Variants in ARHGAP32 observed in about 807,000 individuals in gnomAD.
ARHGAP32 encodes the protein Rho GTPase activating protein 32.
In ARHGAP32, 51 loss-of-function variants were observed where a neutral mutation model predicts 186.5. The ratio of observed to expected loss-of-function variants is 0.27; its 90% CI spans 0.22 to 0.35. The LOEUF (loss-of-function observed/expected upper bound fraction) is 0.35, where lower values mean the gene tolerates loss of function less well. Among genes scored for constraint, ARHGAP32 ranks in the 10% least tolerant of loss-of-function variants. The pLI is 1.00. For missense variants in ARHGAP32, 2,186 were observed against 2,623.5 expected (o/e 0.83, Z 3.64); for synonymous variants, 950 against 964.3 (o/e 0.99, Z 0.27).
intron 1 of ARHGAP32, among the ~76,000 whole-genome samples, chr11:129,261,301 G>C (rs1487402509): frequency 1.3e-5 from 2 of 152,124 alleles, no homozygotes; most frequent in African/African-American, 4.8e-5. Context: ...AAGTAACTCA[G>C]AAATGTTTCC....
At chr11:129,239,240 G>C (rs1944983824) in intron 1 of ARHGAP32, among the ~76,000 whole-genome samples, 1 of 152,128 alleles carries the variant, frequency 6.6e-6, no homozygotes, top group Admixed American at 6.5e-5. Flanking sequence ...TCTACTTCTA[G>C]TCTTTGCCCT....
intron 5 of ARHGAP32, among the ~76,000 whole-genome samples, chr11:129,105,318 A>G (rs908740196): frequency 6.6e-6 from 1 of 152,164 alleles, no homozygotes; most frequent in Admixed American, 6.5e-5. Flanking sequence ...ATACTCACAA[A>G]AAGCTAAGAA....
intron 2 of ARHGAP32, among the ~76,000 whole-genome samples, chr11:129,154,239 G>A (rs1399667821): frequency 1.3e-5 from 2 of 152,136 alleles, no homozygotes; most frequent in Non-Finnish European, 2.9e-5. Context: ...AATAGATGTT[G>A]GCATGGATGT....
rs773886534 is a variant in ARHGAP32, at chr11:129,017,264, G to A, written c.1046-18796C>T. On this transcript the variant is annotated intron_variant, in intron 11 of 22. Transcript: ENST00000682385. ...AGGTCAGGAGTTCGAGACCAGCCTG[G>A]CCAACATGGCGAAAACCTGTCTCTA... Among the ~76,000 whole-genome samples the A allele has an allele frequency of 7.2e-5, 11 of 152,066 alleles. No homozygotes were observed. In the East Asian group the frequency reaches 9.6e-4, roughly 13 times the overall value.
chr11:129,264,063 A>T (rs1405932374), intron 1 of ARHGAP32, among the ~76,000 whole-genome samples: 1 of 152,240 alleles, frequency 6.6e-6, no homozygotes, highest in East Asian at 1.9e-4. Flanking sequence ...CCCTTAAAAA[A>T]GAAGGAAATC....
chr11:129,279,608 G>A (rs1318274786), upstream of ARHGAP32, among the ~76,000 whole-genome samples: 1 of 145,292 alleles, frequency 6.9e-6, no homozygotes, highest in Non-Finnish European at 1.5e-5. Context: ...TCCTGCACCC[G>A]CGACGCCCGC....
intron 5 of ARHGAP32, among the ~76,000 whole-genome samples, chr11:129,106,638 G>A (rs627518): frequency 0.11 from 16,923 of 151,966 alleles, 1,214 homozygotes; most frequent in Non-Finnish European, 0.15. Context: ...AATATACCCA[G>A]GTAATAAATA....
intron 7 of ARHGAP32, among the ~76,000 whole-genome samples, chr11:129,065,199 T>C (rs761781253): frequency 1.3e-5 from 2 of 152,154 alleles, no homozygotes; most frequent in Non-Finnish European, 2.9e-5. Flanking sequence ...TTTCTATTTT[T>C]GTACTGAATA....
At chr11:128,971,252 G>T in intron 22 of ARHGAP32, 93 bp from the exon 23 acceptor site, 2 of 1,151,134 alleles carry the variant, frequency 1.7e-6, no homozygotes, top group Non-Finnish European at 2.4e-6. Flanking sequence ...AAGGCTGGTT[G>T]GGTAGCAGCT....
chr11:129,049,849 A>C (rs145745699), intron 10 of ARHGAP32, among the ~76,000 whole-genome samples: 1 of 152,234 alleles, frequency 6.6e-6, no homozygotes, highest in African/African-American at 2.4e-5. Flanking sequence ...TTCATGTATG[A>C]GTTTCTATAT....
intron 1 of ARHGAP32, among the ~76,000 whole-genome samples, chr11:129,233,643 A>G (rs1289117675): frequency 6.6e-6 from 1 of 151,856 alleles, no homozygotes; most frequent in Non-Finnish European, 1.5e-5. Flanking sequence ...AACCTGCAAC[A>G]ATCTAAATGT....
In ARHGAP32 at chr11:128,998,306, A is replaced by G. The variant is rs777945114; in HGVS notation, c.1195+13T>C. The G allele has an allele frequency of 5.8e-6, 9 of 1,558,860 alleles. No homozygotes were observed. The highest frequency in any genetic ancestry group is 7.8e-6 in the Non-Finnish European group (9 of 1,149,580). Reference sequence around the variant, plus strand: ...AGAAACTCAGAGTATAAGCTTGCACATTTTATTTTTACCTTCAAAACCAGA... The same window carrying G: ...AGAAACTCAGAGTATAAGCTTGCACGTTTTATTTTTACCTTCAAAACCAGA... On this transcript the variant is annotated intron_variant, in intron 12 of 22. Transcript: ENST00000682385.
At chr11:129,191,670 GCACACACACA>G (rs71057930) in intron 1 of ARHGAP32, among the ~76,000 whole-genome samples, 7 of 148,056 alleles carry the variant, frequency 4.7e-5, no homozygotes, top group African/African-American at 1.5e-4. Context: ...AGGCAGGCAC[GCACACACACA>G]CACACACACA....
rs535368940 is a variant in ARHGAP32, at chr11:129,023,393, C to A, written c.1045+17535G>T. Among the ~76,000 whole-genome samples, 4 of 152,164 alleles carry A rather than the reference C, an allele frequency of 2.6e-5. 1 individual carries two copies. In the South Asian group the frequency reaches 8.3e-4, roughly 32 times the overall value. On this transcript the variant is annotated intron_variant, in intron 11 of 22. Transcript: ENST00000682385. ...TTGAGGAGCCTCTTTACACAGTCTA[C>A]CAAATTATTTTAAGTGCATTAGCAC...
At chr11:129,221,793 CAGA>C (rs1294884558) in intron 1 of ARHGAP32, among the ~76,000 whole-genome samples, 1 of 151,976 alleles carries the variant, frequency 6.6e-6, no homozygotes, top group East Asian at 1.9e-4. Flanking sequence ...GTCTGGATGA[CAGA>C]AGAAGATCTT....
chr11:129,264,136 A>C (rs1417175248), intron 1 of ARHGAP32, among the ~76,000 whole-genome samples: 7 of 152,238 alleles, frequency 4.6e-5, no homozygotes, highest in African/African-American at 1.4e-4. Context: ...TAAGCCAGTC[A>C]CATAAAGACA....
chr11:128,972,507 T>G lies in ARHGAP32; in HGVS notation c.3999A>C (p.Pro1333=). The part of the protein sequence containing the change: ...PPSQRSAEQP[P]VVGQVQAATN... The stretch of plus-strand genomic sequence containing the variant: ...TTGCTGCTTGTACCTGCCCCACAAC[T>G]GGTGGCTGCTCTGCAGATCTCTGGG... Residue 1333 remains proline, a synonymous_variant, in exon 22 of 23, where the codon CCA becomes CCC. Coordinates refer to ENST00000682385, the MANE Select transcript of ARHGAP32 (RefSeq NM_001378024.1). 6.5e-7 allele frequency: 1 copy of G among 1,536,720 alleles called. No individual in the cohort carries two copies. The highest frequency in any genetic ancestry group is 8.8e-7 in the Non-Finnish European group (1 of 1,142,164).
At chr11:129,008,469 T>A (rs1937904013) in intron 11 of ARHGAP32, among the ~76,000 whole-genome samples, 1 of 152,228 alleles carries the variant, frequency 6.6e-6, no homozygotes, top group Non-Finnish European at 1.5e-5. Flanking sequence ...CCATTTCTTT[T>A]CATTTTATGG....
chr11:129,230,952 T>G (rs1255310174), intron 1 of ARHGAP32, among the ~76,000 whole-genome samples: 1 of 152,040 alleles, frequency 6.6e-6, no homozygotes, highest in African/African-American at 2.4e-5. Flanking sequence ...CTGGCCAACA[T>G]GGTGAAACCC....
Sources: gnomAD v4.1 joint callset for allele counts (sites outside exome capture counted in the v4.1 genomes callset) on GRCh38, gnomAD v4.1.1 for gene constraint, MANE v1.5 for transcripts, NCBI Gene and HGNC (gene_info 2026-07-23, HGNC 2026-07-21) for gene names.